Variants in AUH observed in about 807,000 individuals in gnomAD.
AUH encodes methylglutaconyl-CoA hydratase, mitochondrial.
Under a neutral mutation model 42.3 loss-of-function variants are expected in AUH, and 29 were observed. The ratio of observed to expected loss-of-function variants is 0.69; its 90% CI spans 0.51 to 0.93. The LOEUF is 0.93. Ranked by LOEUF, AUH falls within the 40% of genes least tolerant of loss-of-function variation. AUH has a pLI of 0.00. For synonymous variants in AUH, 174 were observed against 166.4 expected, an observed-to-expected ratio of 1.05 and a Z score of -0.35; for missense variants, 452 against 438.1, an observed-to-expected ratio of 1.03 and a Z score of -0.28.
chr9:91,235,515 G>A (rs1828128114), intron 6 of AUH, among the ~76,000 whole-genome samples: 1 of 152,186 alleles, frequency 6.6e-6, no homozygotes, highest in Non-Finnish European at 1.5e-5. Context: ...GAGCAGTCAT[G>A]TGTGAGACTG....
At chr9:91,312,371 G>T (rs545352057) in intron 4 of AUH, among the ~76,000 whole-genome samples, 34 of 152,240 alleles carry the variant, frequency 2.2e-4, no homozygotes, top group African/African-American at 7.7e-4. Context: ...ACCCTGATTT[G>T]TATCAGTACT....
At chr9:91,271,156 T>TA (rs1825092336) in intron 6 of AUH, among the ~76,000 whole-genome samples, 1 of 152,238 alleles carries the variant, frequency 6.6e-6, no homozygotes, top group South Asian at 2.1e-4. Context: ...AGGAGTTAGC[T>TA]AAAAGGACAT....
chr9:91,247,245 C>G (rs186639969), intron 6 of AUH, among the ~76,000 whole-genome samples: 8 of 152,292 alleles, frequency 5.3e-5, no homozygotes, highest in Admixed American at 2.6e-4. Context: ...AGAGACCCAT[C>G]AACTTCAACC....
At chr9:91,355,777 T>C in intron 3 of AUH, 106 bp downstream of exon 3, 1 of 953,902 alleles carries the variant, frequency 1.0e-6, no homozygotes, top group Non-Finnish European at 1.7e-6. Flanking sequence ...AAAGAGGAGT[T>C]GTTGGTAATG....
At chr9:91,214,906 T>C (rs923677014) in intron 9 of AUH, among the ~76,000 whole-genome samples, 2 of 152,264 alleles carry the variant, frequency 1.3e-5, no homozygotes, top group Non-Finnish European at 2.9e-5. Flanking sequence ...GTCTGAAGAA[T>C]ACCTTGAATA....
At chr9:91,243,615 G>A (rs1054151544) in intron 6 of AUH, among the ~76,000 whole-genome samples, 8 of 152,214 alleles carry the variant, frequency 5.3e-5, no homozygotes, top group Non-Finnish European at 1.2e-4. Flanking sequence ...AAAGGCCTGA[G>A]ACGTGAAAGA....
At chr9:91,216,033 A>G in intron 9 of AUH, 26 bp downstream of exon 9, 3 of 1,594,390 alleles carry the variant, frequency 1.9e-6, no homozygotes, top group Non-Finnish European at 1.7e-6. Flanking sequence ...GGTCATCCTC[A>G]TTGAATTTGT....
intron 6 of AUH, among the ~76,000 whole-genome samples, chr9:91,253,050 C>G (rs1480052112): frequency 1.3e-5 from 2 of 152,174 alleles, no homozygotes; most frequent in Non-Finnish European, 2.9e-5. Context: ...ATTTCTTAAA[C>G]AAAGCCCTTT....
intron 6 of AUH, among the ~76,000 whole-genome samples, chr9:91,249,815 T>C (rs372721629): frequency 2.5e-4 from 38 of 152,152 alleles, no homozygotes; most frequent in African/African-American, 8.9e-4. Context: ...ATCAAGACCA[T>C]CCTTGCCAAC....
intron 6 of AUH, among the ~76,000 whole-genome samples, chr9:91,246,131 T>C (rs1270734655): frequency 1.3e-5 from 2 of 152,072 alleles, no homozygotes; most frequent in Non-Finnish European, 2.9e-5. Context: ...TCCTGCCTCC[T>C]CTCCTCCCAT....
intron 3 of AUH, among the ~76,000 whole-genome samples, chr9:91,330,270 TAAG>T (rs1158883623): frequency 6.6e-6 from 1 of 152,038 alleles, no homozygotes. Flanking sequence ...AAAAGGAACA[TAAG>T]ACCTTGACAC....
At chr9:91,286,140 C>T (rs1826387076) in intron 6 of AUH, among the ~76,000 whole-genome samples, 2 of 152,108 alleles carry the variant, frequency 1.3e-5, no homozygotes, top group African/African-American at 4.8e-5. Flanking sequence ...AAAGAATAAG[C>T]TCAGATTCTG....
intron 3 of AUH, among the ~76,000 whole-genome samples, chr9:91,335,094 GAA>G (rs1051649800): frequency 2.6e-5 from 4 of 152,178 alleles, no homozygotes; most frequent in Non-Finnish European, 4.4e-5. Context: ...AAATGAGCTG[GAA>G]AAGACTCTCT....
intron 6 of AUH, among the ~76,000 whole-genome samples, chr9:91,248,594 C>G (rs576310214): frequency 6.6e-6 from 1 of 152,292 alleles, no homozygotes; most frequent in East Asian, 1.9e-4. Flanking sequence ...ATTTAAATAA[C>G]TAGTACGTAA....
chr9:91,255,095 A>G (rs531658020), intron 6 of AUH, among the ~76,000 whole-genome samples: 1 of 152,336 alleles, frequency 6.6e-6, no homozygotes, highest in South Asian at 2.1e-4. Flanking sequence ...AAAAGTTCTC[A>G]TCTCGGCCAG....
At chr9:91,361,562 C>A in intron 1 of AUH, 66 bp downstream of exon 1, 2 of 1,542,664 alleles carry the variant, frequency 1.3e-6, no homozygotes, top group Non-Finnish European at 1.7e-6. Context: ...GACGCTGCAC[C>A]TTATGCCCGT....
At position 91,325,215 on chromosome 9, in the gene AUH, T is replaced by C. The variant is rs948826769; in HGVS notation, c.505+103A>G. On this transcript the variant is annotated intron_variant, in intron 4 of 9. Transcript: ENST00000375731. Reference sequence around the variant, plus strand: ...CAGCTATAGGTCATGATTATCTAATTATATAAATATTTAACCAATGCTTAT... The same window carrying C: ...CAGCTATAGGTCATGATTATCTAATCATATAAATATTTAACCAATGCTTAT... 9.0e-6 allele frequency: 8 copies of C among 892,042 alleles called. No individual in the cohort carries two copies. The South Asian group carries it at 1.2e-4, about 13-fold the overall frequency. The allele number at this position is 892,042 out of a possible 1,614,324, so 55.3% of individuals were successfully genotyped here. A position where few individuals can be genotyped will look rare whatever the true frequency, so the allele number is the denominator to read the frequency against.
rs781269099 is a variant in AUH at position 91,296,006 on chromosome 9, G to A, written c.655+15C>T. ...CAAATCAAGGATTTGAGGAATGGGCGTGAACTACTCATACCTCCACCAGGA... is the reference window on the plus strand; with the variant it reads ...CAAATCAAGGATTTGAGGAATGGGCATGAACTACTCATACCTCCACCAGGA... On this transcript the variant is annotated intron_variant, in intron 6 of 9. Transcript: ENST00000375731. 2.7e-5 allele frequency: 44 copies of A among 1,613,562 alleles called. No individual in the cohort carries two copies. Among genetic ancestry groups the A allele is most frequent in the Admixed American group, 1.7e-4 (10 of 59,992 alleles).
At chr9:91,312,485 T>C (rs542666923) in intron 4 of AUH, among the ~76,000 whole-genome samples, 2 of 152,338 alleles carry the variant, frequency 1.3e-5, no homozygotes, top group Admixed American at 6.5e-5. Context: ...CCCAGCACTT[T>C]AGGAGGCCAA....
Sources: allele counts gnomAD v4.1 joint callset (sites outside exome capture counted in the v4.1 genomes callset), GRCh38; gene constraint gnomAD v4.1.1; transcripts MANE v1.5; gene names NCBI Gene and HGNC (gene_info 2026-07-23, HGNC 2026-07-21).